KCNIP4: variants seen among roughly 807,000 people sequenced by gnomAD.
The protein encoded by KCNIP4 is Kv channel-interacting protein 4.
KCNIP4 carries 12 observed loss-of-function variants against 34.0 expected under a neutral mutation model. That is an observed-to-expected ratio of 0.35 (90% CI 0.23 to 0.57). The LOEUF is 0.57. Among genes scored for constraint, KCNIP4 ranks in the 20% least tolerant of loss-of-function variants. KCNIP4 has a pLI of 0.83. For missense variants in KCNIP4, 238 were observed against 311.7 expected (o/e 0.76, Z 1.78); for synonymous variants, 124 against 102.2 (o/e 1.21, Z -1.29).
chr4:21,808,299 T>C (rs1721421951), intron 1 of KCNIP4, among the ~76,000 whole-genome samples: 1 of 152,160 alleles, frequency 6.6e-6, no homozygotes, highest in South Asian at 2.1e-4. Flanking sequence ...CTTCCTCTTC[T>C]GCCACACCTT....
At chr4:21,676,241 C>A (rs1398345785) in intron 1 of KCNIP4, among the ~76,000 whole-genome samples, 4 of 152,154 alleles carry the variant, frequency 2.6e-5, no homozygotes, top group African/African-American at 4.8e-5. Context: ...AAAGGACTGC[C>A]ACCTCACGTT....
At chr4:20,940,397 C>T (rs1731521793) in intron 1 of KCNIP4, among the ~76,000 whole-genome samples, 1 of 152,130 alleles carries the variant, frequency 6.6e-6, no homozygotes, top group Non-Finnish European at 1.5e-5. Context: ...TCAGCATATG[C>T]AAGTTGCTGG....
chr4:20,864,943 C>T (rs958138805), intron 2 of KCNIP4, among the ~76,000 whole-genome samples: 2 of 151,898 alleles, frequency 1.3e-5, no homozygotes, highest in Non-Finnish European at 2.9e-5. Context: ...AGTAAGCTTC[C>T]GATTCCACAT....
chr4:20,876,518 A>C (rs1484055769), intron 2 of KCNIP4, among the ~76,000 whole-genome samples: 1 of 152,150 alleles, frequency 6.6e-6, no homozygotes, highest in Non-Finnish European at 1.5e-5. Flanking sequence ...ATATCAATGT[A>C]CATTCACGAG....
chr4:21,284,958 T>A (rs1763023296), intron 1 of KCNIP4, among the ~76,000 whole-genome samples: 1 of 152,138 alleles, frequency 6.6e-6, no homozygotes, highest in Non-Finnish European at 1.5e-5. Flanking sequence ...GTAAGGGGAA[T>A]ATCTGAGATT....
intron 1 of KCNIP4, among the ~76,000 whole-genome samples, chr4:21,905,270 T>C (rs1265580184): frequency 6.6e-6 from 1 of 152,148 alleles, no homozygotes; most frequent in African/African-American, 2.4e-5. Flanking sequence ...TCTGTGTCTC[T>C]TAAAGCAAGG....
At chr4:20,939,325 C>T (rs1389475191) in intron 1 of KCNIP4, among the ~76,000 whole-genome samples, 1 of 152,040 alleles carries the variant, frequency 6.6e-6, no homozygotes, top group Non-Finnish European at 1.5e-5. Flanking sequence ...TCCGATGCTT[C>T]CCTCATTGCT....
At chr4:21,576,155 C>T (rs867272305) in intron 1 of KCNIP4, among the ~76,000 whole-genome samples, 1 of 152,178 alleles carries the variant, frequency 6.6e-6, no homozygotes, top group Non-Finnish European at 1.5e-5. Context: ...AATGCTGCTA[C>T]TCAACATTTG....
intron 1 of KCNIP4, among the ~76,000 whole-genome samples, chr4:21,496,545 A>G (rs1183077582): frequency 6.6e-6 from 1 of 152,200 alleles, no homozygotes; most frequent in African/African-American, 2.4e-5. Context: ...CAACGTGACT[A>G]GTCTCCCTGC....
intron 2 of KCNIP4, among the ~76,000 whole-genome samples, chr4:20,859,178 T>G (rs540750214): frequency 6.6e-6 from 1 of 152,142 alleles, no homozygotes; most frequent in Non-Finnish European, 1.5e-5. Context: ...TAGAATAAGG[T>G]ACGAAGTGAT....
intron 1 of KCNIP4, among the ~76,000 whole-genome samples, chr4:21,886,344 T>A (rs1214795641): frequency 6.6e-6 from 1 of 152,102 alleles, no homozygotes; most frequent in East Asian, 1.9e-4. Flanking sequence ...TTTGGAAATG[T>A]TTTTGCCCAA....
chr4:20,838,228 G>T (rs1719305373), intron 3 of KCNIP4, among the ~76,000 whole-genome samples: 1 of 152,084 alleles, frequency 6.6e-6, no homozygotes, highest in Non-Finnish European at 1.5e-5. Context: ...ATCTCAAAGG[G>T]TTCATAAGAC....
At chr4:21,072,499 T>C (rs1745050202) in intron 1 of KCNIP4, among the ~76,000 whole-genome samples, 1 of 151,746 alleles carries the variant, frequency 6.6e-6, no homozygotes, top group African/African-American at 2.4e-5. Context: ...TTTTTTTTTC[T>C]TGTAAAAAAA....
chr4:20,729,990 C>CTGAGCAAT lies in KCNIP4; in HGVS notation c.*84_*91dup, dbSNP rs547071082. Reference sequence around the variant, plus strand: ...TTGCATAATATGCTTCAGTGTCAAGCTGAGCAATCTATGCTAAAAGTGGTA... The same window carrying CTGAGCAAT: ...TTGCATAATATGCTTCAGTGTCAAGCTGAGCAATTGAGCAATCTATGCTAAAAGTGGTA... On this transcript the variant is annotated 3_prime_UTR_variant, in exon 9 of 9. Transcript: ENST00000382152. 1.2e-4 allele frequency: 164 copies of CTGAGCAAT among 1,417,252 alleles called. 1 individual carries two copies. The East Asian group carries it at 3.8e-3, about 33-fold the overall frequency. 87.8% of individuals were successfully genotyped at this position (1,417,252 alleles called of 1,614,324 possible). A position where few individuals can be genotyped will look rare whatever the true frequency, so the allele number is the denominator to read the frequency against.
intron 1 of KCNIP4, among the ~76,000 whole-genome samples, chr4:21,003,301 G>GAAAAC (rs1430929489): frequency 3.9e-5 from 6 of 152,140 alleles, no homozygotes; most frequent in African/African-American, 1.4e-4. Flanking sequence ...ATGAGAGGAA[G>GAAAAC]AAAACAAAAC....
chr4:20,982,146 G>C (rs1736122990), intron 1 of KCNIP4, among the ~76,000 whole-genome samples: 1 of 152,150 alleles, frequency 6.6e-6, no homozygotes, highest in South Asian at 2.1e-4. Flanking sequence ...TATTAACTTT[G>C]ACAATATAAG....
intron 1 of KCNIP4, among the ~76,000 whole-genome samples, chr4:21,069,386 G>A (rs185710806): frequency 6.6e-6 from 1 of 152,174 alleles, no homozygotes; most frequent in African/African-American, 2.4e-5. Context: ...TGAAGGTTTT[G>A]AGTTATTGAT....
intron 1 of KCNIP4, among the ~76,000 whole-genome samples, chr4:21,717,030 G>A (rs1055686685): frequency 2.6e-5 from 4 of 152,060 alleles, no homozygotes; most frequent in Admixed American, 2.0e-4. Context: ...TGGGTTTCAG[G>A]GATGCCTGCA....
At chr4:20,979,467 C>T (rs1366514387) in intron 1 of KCNIP4, among the ~76,000 whole-genome samples, 1 of 148,516 alleles carries the variant, frequency 6.7e-6, no homozygotes. Flanking sequence ...GGCGAGATCT[C>T]GGCTCACTGC....
Sources: allele counts gnomAD v4.1 joint callset (sites outside exome capture counted in the v4.1 genomes callset), GRCh38; gene constraint gnomAD v4.1.1; transcripts MANE v1.5; gene names NCBI Gene and HGNC (gene_info 2026-07-23, HGNC 2026-07-21).